GOT2: variants seen among roughly 807,000 people sequenced by gnomAD.
The protein encoded by GOT2 is glutamic-oxaloacetic transaminase 2, also known as aspartate aminotransferase, mitochondrial.
GOT2 carries 17 observed loss-of-function variants against 50.0 expected under a neutral mutation model. The observed-to-expected ratio is 0.34, with a 90% CI of 0.23 to 0.51. The LOEUF (loss-of-function observed/expected upper bound fraction) is 0.51, where lower values mean the gene tolerates loss of function less well. Among genes scored for constraint, GOT2 ranks in the 20% least tolerant of loss-of-function variants. The probability of loss-of-function intolerance (pLI) is 0.97; values close to 1 mark genes in which losing one functional copy is unlikely to be tolerated. For missense variants in GOT2, 430 were observed against 559.6 expected (o/e 0.77, Z 2.34); for synonymous variants, 172 against 204.9 (o/e 0.84, Z 1.37).
rs569939140 is a variant in GOT2, at chr16:58,726,784, G to A, written c.90-2882C>T. Among the ~76,000 whole-genome samples, 109 of 150,276 alleles carry A rather than the reference G, an allele frequency of 7.3e-4. No homozygotes were observed. The South Asian group carries it at 0.016, about 23-fold the overall frequency. On this transcript the variant is annotated intron_variant, in intron 1 of 9. Transcript: ENST00000245206. The stretch of plus-strand genomic sequence containing the variant: ...ATTACAGGCGTGAGCCACTGCACCC[G>A]GCTGTGAATTTTGTTTTGATTTATA...
At chr16:58,716,280 G>T in intron 7 of GOT2, 101 bp from the exon 8 acceptor site, 1 of 1,160,710 alleles carries the variant, frequency 8.6e-7, no homozygotes, top group Non-Finnish European at 1.2e-6. Context: ...CCATCCAAAG[G>T]ACCCCAAAAT....
chr16:58,722,910 A>G (rs1186693308), intron 2 of GOT2, among the ~76,000 whole-genome samples: 1 of 152,242 alleles, frequency 6.6e-6, no homozygotes, highest in Non-Finnish European at 1.5e-5. Context: ...TGATTAAATC[A>G]AACTAAATAC....
At position 58,718,694 on chromosome 16, in the gene GOT2, A is replaced by G; in HGVS notation, c.436-6T>C. ...CTGAACTTAAAAAATCTTTGCTAAA[A>G]GATGGGACGAAAGGAAACAGAAAAA... On this transcript the variant is annotated splice_polypyrimidine_tract_variant and splice_region_variant and intron_variant, in intron 4 of 9. Coordinates refer to ENST00000245206, the MANE Select transcript of GOT2 (RefSeq NM_002080.4). The G allele has an allele frequency of 6.4e-7, 1 of 1,553,066 alleles. No individual in the cohort carries two copies. The highest frequency in any genetic ancestry group is 8.7e-7 in the Non-Finnish European group (1 of 1,150,150).
chr16:58,726,483 CTTTA>C (rs56257846), intron 1 of GOT2, among the ~76,000 whole-genome samples: 30 of 144,668 alleles, frequency 2.1e-4, no homozygotes, highest in East Asian at 1.5e-3. Context: ...CCCCGGCCTG[CTTTA>C]TTTATTTATT....
chr16:58,731,298 C>T (rs991819573), intron 1 of GOT2, among the ~76,000 whole-genome samples: 1 of 152,148 alleles, frequency 6.6e-6, no homozygotes, highest in Non-Finnish European at 1.5e-5. Flanking sequence ...GTGCACATCA[C>T]CATGCCCGGC....
chr16:58,718,414 G>A, intron 5 of GOT2, 113 bp downstream of exon 5: 1 of 1,330,162 alleles, frequency 7.5e-7, no homozygotes, highest in Non-Finnish European at 1.1e-6. Context: ...AGAACCCTGG[G>A]AATCAGCTCT....
In GOT2 at chr16:58,709,463, G is replaced by T. The variant is rs776938076; in HGVS notation, c.1124C>A (p.Thr375Asn). ...EGSTHNWQHI[T>N]DQIGMFCFTG... ...GAAACAGAACATGCCAATTTGGTCG[G>T]TGATGTGTTGCCAATTGTGGGTGGA... The change falls in exon 9 of 10, where the codon ACC (threonine) becomes AAC (asparagine). Residue 375 changes from threonine to asparagine, a missense_variant. Coordinates refer to ENST00000245206, the MANE Select transcript of GOT2 (RefSeq NM_002080.4). The T allele has an allele frequency of 9.3e-6, 15 of 1,613,966 alleles. No individual in the cohort carries two copies. In the South Asian group the frequency reaches 1.5e-4, roughly 17 times the overall value.
intron 6 of GOT2, among the ~76,000 whole-genome samples, chr16:58,717,571 A>T (rs769027642): frequency 5.9e-5 from 9 of 152,232 alleles, no homozygotes; most frequent in Non-Finnish European, 1.2e-4. Context: ...AAAGTGTTTA[A>T]AAAGATCAAT....
chr16:58,720,190 GA>G (rs1033184814), intron 3 of GOT2, among the ~76,000 whole-genome samples: 21 of 152,046 alleles, frequency 1.4e-4, no homozygotes, highest in African/African-American at 3.9e-4. Context: ...CAACAAGAGC[GA>G]AATTCCATCT....
chr16:58,708,006 T>A lies in GOT2; in HGVS notation c.*165A>T, dbSNP rs2044617073. The A allele has an allele frequency of 1.6e-6, 1 of 632,990 alleles. No homozygotes were observed. Among genetic ancestry groups the A allele is most frequent in the Non-Finnish European group, 2.6e-6 (1 of 386,768 alleles). 39.2% of individuals were successfully genotyped at this position (632,990 alleles called of 1,614,324 possible). A position where few individuals can be genotyped will look rare whatever the true frequency, so the allele number is the denominator to read the frequency against. ...CATGGATGCCTCTGCCCTGTGTCAC[T>A]ACATGTTCTTTTCTGAGAAACATTC... On this transcript the variant is annotated 3_prime_UTR_variant, in exon 10 of 10. Transcript: ENST00000245206.
At chr16:58,717,328 G>A (rs1255746616) in intron 6 of GOT2, among the ~76,000 whole-genome samples, 1 of 152,054 alleles carries the variant, frequency 6.6e-6, no homozygotes, top group East Asian at 1.9e-4. Context: ...TGTGAGCTGT[G>A]ACTGTGCCAC....
At chr16:58,710,626 A>G (rs1174137421) in intron 8 of GOT2, among the ~76,000 whole-genome samples, 3 of 152,036 alleles carry the variant, frequency 2.0e-5, no homozygotes, top group African/African-American at 7.2e-5. Flanking sequence ...TCACGCCTGT[A>G]ATCCCAGCAC....
chr16:58,714,151 C>T (rs966206543), intron 8 of GOT2, among the ~76,000 whole-genome samples: 1 of 152,084 alleles, frequency 6.6e-6, no homozygotes, highest in Non-Finnish European at 1.5e-5. Context: ...AGGGATCCAC[C>T]TGCCTTGGCC....
At chr16:58,721,095 C>G (rs547068872) in intron 3 of GOT2, among the ~76,000 whole-genome samples, 4 of 152,056 alleles carry the variant, frequency 2.6e-5, no homozygotes, top group Non-Finnish European at 5.9e-5. Flanking sequence ...ACTACATAAC[C>G]CTGGGGTTGA....
chr16:58,727,488 T>C (rs147532180), intron 1 of GOT2, among the ~76,000 whole-genome samples: 4 of 152,278 alleles, frequency 2.6e-5, no homozygotes, highest in Non-Finnish European at 4.4e-5. Context: ...AAGAACATTA[T>C]GCTAAGGGCT....
chr16:58,729,235 C>G (rs185365689), intron 1 of GOT2, among the ~76,000 whole-genome samples: 2 of 125,274 alleles, frequency 1.6e-5, no homozygotes, highest in Admixed American at 1.7e-4. Flanking sequence ...ATCCACAATT[C>G]AGACCCTGAA....
At chr16:58,715,867 A>C (rs1481164794) in intron 8 of GOT2, 147 bp downstream of exon 8, 3 of 623,504 alleles carry the variant, frequency 4.8e-6, no homozygotes, top group African/African-American at 3.8e-5. Context: ...TTTTTAAAAA[A>C]GGAATGCACA....
At chr16:58,719,312 C>T in intron 3 of GOT2, 57 bp from the exon 4 acceptor site, 2 of 1,157,258 alleles carry the variant, frequency 1.7e-6, no homozygotes, top group South Asian at 2.4e-5. Flanking sequence ...CAGGCCCAGA[C>T]CCAGGGCCAC....
intron 1 of GOT2, among the ~76,000 whole-genome samples, chr16:58,732,814 T>C (rs1346379520): frequency 6.6e-6 from 1 of 152,262 alleles, no homozygotes; most frequent in Admixed American, 6.5e-5. Context: ...ATACTTTCTC[T>C]TGACGGAAAT....
Sources: allele counts gnomAD v4.1 joint callset (sites outside exome capture counted in the v4.1 genomes callset), GRCh38; gene constraint gnomAD v4.1.1; transcripts MANE v1.5; gene names NCBI Gene and HGNC (gene_info 2026-07-23, HGNC 2026-07-21).